CLIC5: variants seen among roughly 807,000 people sequenced by gnomAD.
The protein encoded by CLIC5 is CLIC family member 5.
A neutral mutation model predicts 24.7 loss-of-function variants in CLIC5; 20 were observed. The observed-to-expected ratio is 0.81, with a 90% CI of 0.57 to 1.18. The LOEUF is 1.18. CLIC5 is among the 50% of genes most tolerant of loss of function. CLIC5 has a pLI of 0.00. For synonymous variants in CLIC5, 159 were observed against 135.6 expected (o/e 1.17, Z -1.20); for missense variants, 341 against 326.1 (o/e 1.05, Z -0.35).
At position 45,989,268 on chromosome 6, in the gene CLIC5, T is replaced by C. The variant is rs543131584; in HGVS notation, c.63+26212A>G. Among the ~76,000 whole-genome samples, 9 of 152,314 alleles carry C rather than the reference T, an allele frequency of 5.9e-5. 1 individual carries two copies. The highest frequency in any genetic ancestry group is 1.9e-4 in the East Asian group (1 of 5,182). On this transcript the variant is annotated intron_variant, in intron 1 of 5. Coordinates refer to ENST00000339561, the MANE Select transcript of CLIC5 (RefSeq NM_016929.5). ...TTTCCTGATTGTCATCACTAAGACCTGAGACACCCTTTTCCAGCTTCTCTG... is the reference window on the plus strand; with the variant it reads ...TTTCCTGATTGTCATCACTAAGACCCGAGACACCCTTTTCCAGCTTCTCTG...
the CLIC5 span, among the ~76,000 whole-genome samples, chr6:46,085,986 T>C: frequency 1.3e-5 from 2 of 152,216 alleles, no homozygotes; most frequent in Non-Finnish European, 2.9e-5. Flanking sequence ...TGCCTTCCAG[T>C]TTGATCTCAG....
At chr6:46,067,821 C>T (rs1395258981) in intron 1 of CLIC5, among the ~76,000 whole-genome samples, 2 of 152,188 alleles carry the variant, frequency 1.3e-5, no homozygotes, top group Admixed American at 1.3e-4. Flanking sequence ...AATATGGATT[C>T]TGGAACTGGC....
At chr6:46,061,197 GT>G (rs1356159179) in intron 1 of CLIC5, among the ~76,000 whole-genome samples, 1 of 152,116 alleles carries the variant, frequency 6.6e-6, no homozygotes, top group Non-Finnish European at 1.5e-5. Flanking sequence ...TTGTTTGTTT[GT>G]TTGTTTGTTT....
chr6:46,097,219 T>C, the CLIC5 span: 1 of 152,154 alleles, frequency 6.6e-6, no homozygotes, highest in African/African-American at 2.4e-5. Flanking sequence ...ATAATATGAA[T>C]GGATGGATGG....
At chr6:45,940,315 T>C (rs933141077) in intron 4 of CLIC5, among the ~76,000 whole-genome samples, 3 of 152,228 alleles carry the variant, frequency 2.0e-5, no homozygotes, top group Admixed American at 6.5e-5. Flanking sequence ...TGGATCAAAC[T>C]GACTTGAAGC....
At position 45,920,636 on chromosome 6, in the gene CLIC5, A is replaced by G. The variant is rs1024225043; in HGVS notation, c.407-6227T>C. The G allele has an allele frequency of 1.4e-5, 13 of 951,810 alleles. No individual in the cohort carries two copies. In the African/African-American group the frequency reaches 2.3e-4, roughly 17 times the overall value. The allele number at this position is 951,810 out of a possible 1,614,324, so 59.0% of individuals were successfully genotyped here. A position where few individuals can be genotyped will look rare whatever the true frequency, so the allele number is the denominator to read the frequency against. ...GGAAACAAAAAATAATAATAAGAAG[A>G]ATATCACCACTTACTCATCTGTTGG... On this transcript the variant is annotated intron_variant, in intron 4 of 5. Transcript: ENST00000339561.
rs529183328 is a variant in CLIC5 at position 46,012,824 on chromosome 6, C to T, written c.63+2656G>A. Among the ~76,000 whole-genome samples, 47 of 152,324 alleles carry T rather than the reference C, an allele frequency of 3.1e-4. 2 individuals are homozygous for T. The South Asian group carries it at 8.7e-3, about 28-fold the overall frequency. Reference sequence around the variant, plus strand: ...TGCAGCTCATCAAGTGCTCTGACAGCGAGTCTCATAAGGTACCTGTGAATC... The same window carrying T: ...TGCAGCTCATCAAGTGCTCTGACAGTGAGTCTCATAAGGTACCTGTGAATC... On this transcript the variant is annotated intron_variant, in intron 1 of 5. Coordinates refer to ENST00000339561, the MANE Select transcript of CLIC5 (RefSeq NM_016929.5).
intron 1 of CLIC5, among the ~76,000 whole-genome samples, chr6:46,021,964 A>T (rs946459559): frequency 2.6e-5 from 4 of 152,242 alleles, no homozygotes; most frequent in African/African-American, 9.6e-5. Flanking sequence ...ATTTCCAAAA[A>T]GGTAAAGCCA....
At chr6:46,027,791 G>A (rs1343494868) in intron 1 of CLIC5, among the ~76,000 whole-genome samples, 1 of 152,032 alleles carries the variant, frequency 6.6e-6, no homozygotes, top group Non-Finnish European at 1.5e-5. Flanking sequence ...TTGCTCATTG[G>A]CAGCAACTAC....
chr6:46,059,077 G>C (rs999282312), intron 1 of CLIC5, among the ~76,000 whole-genome samples: 3 of 152,196 alleles, frequency 2.0e-5, no homozygotes, highest in Non-Finnish European at 4.4e-5. Context: ...AGCTTGGTTG[G>C]TGTCTACCCC....
At chr6:45,973,713 C>T (rs941313431) in intron 1 of CLIC5, among the ~76,000 whole-genome samples, 4 of 152,154 alleles carry the variant, frequency 2.6e-5, no homozygotes, top group Admixed American at 2.0e-4. Flanking sequence ...CCGAGGCGGG[C>T]GGATCATGAG....
At chr6:46,105,287 A>G in the CLIC5 span, among the ~76,000 whole-genome samples, 1 of 152,240 alleles carries the variant, frequency 6.6e-6, no homozygotes, top group East Asian at 1.9e-4. Flanking sequence ...GTTGTTTGTC[A>G]TGGTTAAAAT....
At chr6:45,961,653 T>A (rs368741411) in intron 1 of CLIC5, among the ~76,000 whole-genome samples, 112 of 150,310 alleles carry the variant, frequency 7.5e-4, no homozygotes, top group African/African-American at 2.7e-3. Flanking sequence ...TTGTGACTAT[T>A]TTTTTTTTAA....
Position 46,015,699 on chromosome 6 carries a change from G to C in CLIC5, c.-157C>G, listed in dbSNP as rs1477398993. On this transcript the variant is annotated 5_prime_UTR_variant, in exon 1 of 6. Transcript: ENST00000339561. ...CCATCTATTCTCCAGCCCGAGCAGCGGGGTCTGAGAGATCAGTGTCCCAGA... is the reference window on the plus strand; with the variant it reads ...CCATCTATTCTCCAGCCCGAGCAGCCGGGTCTGAGAGATCAGTGTCCCAGA... 2.1e-5 allele frequency: 27 copies of C among 1,280,168 alleles called. No homozygotes were observed. The highest frequency in any genetic ancestry group is 2.6e-5 in the Non-Finnish European group (26 of 1,010,376). 79.3% of individuals were successfully genotyped at this position (1,280,168 alleles called of 1,614,324 possible). A position where few individuals can be genotyped will look rare whatever the true frequency, so the allele number is the denominator to read the frequency against.
At chr6:46,024,465 A>G (rs1026826510) in intron 1 of CLIC5, among the ~76,000 whole-genome samples, 1 of 152,280 alleles carries the variant, frequency 6.6e-6, no homozygotes, top group East Asian at 1.9e-4. Context: ...AGACTAGGGT[A>G]TGTTCCTAGA....
intron 1 of CLIC5, among the ~76,000 whole-genome samples, chr6:46,062,286 A>C (rs975610925): frequency 6.6e-6 from 1 of 151,990 alleles, no homozygotes; most frequent in Non-Finnish European, 1.5e-5. Context: ...GTAGAGTGTA[A>C]AAAAAAATGC....
intron 3 of CLIC5, 109 bp downstream of exon 3, chr6:45,949,147 C>A (rs1030976775): frequency 7.1e-7 from 1 of 1,400,688 alleles, no homozygotes; most frequent in Non-Finnish European, 9.6e-7. Flanking sequence ...GTTCTCTGGA[C>A]TGGTGAGGTT....
At chr6:45,985,661 C>A (rs939945575) in intron 1 of CLIC5, among the ~76,000 whole-genome samples, 31 of 152,128 alleles carry the variant, frequency 2.0e-4, no homozygotes, top group Middle Eastern at 3.4e-3. Flanking sequence ...TCCTAATGCA[C>A]GCGAAGTTGG....
intron 3 of CLIC5, among the ~76,000 whole-genome samples, chr6:45,946,853 C>T (rs1399724080): frequency 6.6e-6 from 1 of 152,218 alleles, no homozygotes; most frequent in East Asian, 1.9e-4. Context: ...GCGCCCCCAC[C>T]TTGGTAGGCT....
Sources: allele counts gnomAD v4.1 joint callset (sites outside exome capture counted in the v4.1 genomes callset), GRCh38; gene constraint gnomAD v4.1.1; transcripts MANE v1.5; gene names NCBI Gene and HGNC (gene_info 2026-07-23, HGNC 2026-07-21).